The following PPFIBP2 variants were observed in gnomAD, a reference collection of about 807,000 sequenced individuals.
PPFIBP2 encodes PPFIB scaffold protein 2, also known as liprin-beta-2.
A neutral mutation model predicts 118.3 loss-of-function variants in PPFIBP2; 118 were observed. The ratio of observed to expected loss-of-function variants is 1.00; its 90% CI spans 0.86 to 1.16. PPFIBP2 has a LOEUF of 1.16. PPFIBP2 is among the 50% of genes most tolerant of loss of function. PPFIBP2 has a pLI of 0.00. For synonymous variants in PPFIBP2, 414 were observed against 397.4 expected (o/e 1.04, Z -0.50); for missense variants, 1,195 against 1,073.1 (o/e 1.11, Z -1.59).
At chr11:7,566,593 C>A (rs894976270) in intron 3 of PPFIBP2, among the ~76,000 whole-genome samples, 1 of 152,152 alleles carries the variant, frequency 6.6e-6, no homozygotes, top group Non-Finnish European at 1.5e-5. Flanking sequence ...GTCTTGAAAT[C>A]TTGGCTCAAA....
At chr11:7,610,173 C>G in intron 5 of PPFIBP2, 118 bp from the exon 6 acceptor site, 2 of 1,303,390 alleles carry the variant, frequency 1.5e-6, no homozygotes, top group East Asian at 4.7e-5. Flanking sequence ...ATGTAGCAGT[C>G]TCAATTCTGT....
chr11:7,597,761 G>A (rs1860631798), intron 5 of PPFIBP2, 88 bp downstream of exon 5: 1 of 1,104,240 alleles, frequency 9.1e-7, no homozygotes, highest in Non-Finnish European at 1.3e-6. Context: ...AGCCCTCGCT[G>A]TCTGCTTTCC....
intron 1 of PPFIBP2, among the ~76,000 whole-genome samples, chr11:7,537,917 G>C (rs1437854336): frequency 3.5e-5 from 4 of 113,376 alleles, no homozygotes; most frequent in Non-Finnish European, 7.3e-5. Context: ...TGGCATTAAG[G>C]CATGGCCTTG....
At chr11:7,594,319 C>A (rs1462921652) in intron 4 of PPFIBP2, among the ~76,000 whole-genome samples, 5 of 151,836 alleles carry the variant, frequency 3.3e-5, no homozygotes, top group African/African-American at 1.2e-4. Context: ...TGAGCTCATA[C>A]CAAATATATA....
chr11:7,581,373 T>C (rs1857232877), intron 3 of PPFIBP2, among the ~76,000 whole-genome samples: 1 of 152,250 alleles, frequency 6.6e-6, no homozygotes, highest in Admixed American at 6.5e-5. Context: ...CACTGCTTCC[T>C]GGCTTCCAGC....
At chr11:7,554,477 T>C (rs903935754) in intron 2 of PPFIBP2, among the ~76,000 whole-genome samples, 2 of 152,186 alleles carry the variant, frequency 1.3e-5, no homozygotes, top group Non-Finnish European at 2.9e-5. Flanking sequence ...TAATTAAGCT[T>C]TTAGTGCAAA....
chr11:7,597,416 C>T (rs1439590609), intron 4 of PPFIBP2, 144 bp from the exon 5 acceptor site: 4 of 1,538,230 alleles, frequency 2.6e-6, no homozygotes, highest in South Asian at 1.2e-5. Flanking sequence ...GACACTTCCT[C>T]CACCTGCCAC....
At chr11:7,599,015 C>T (rs555347822) in intron 5 of PPFIBP2, among the ~76,000 whole-genome samples, 28 of 142,388 alleles carry the variant, frequency 2.0e-4, no homozygotes, top group Admixed American at 5.8e-4. Context: ...ACATTCTTGG[C>T]GCCATTTGAT....
intron 5 of PPFIBP2, among the ~76,000 whole-genome samples, chr11:7,606,886 A>ATGTTTT (rs1763557851): frequency 1.9e-5 from 1 of 51,352 alleles, no homozygotes; most frequent in Non-Finnish European, 3.7e-5. Flanking sequence ...AACTGCATGA[A>ATGTTTT]TTTTTTTTTT....
chr11:7,529,231 A>G (rs1850475347), intron 1 of PPFIBP2, among the ~76,000 whole-genome samples: 1 of 152,248 alleles, frequency 6.6e-6, no homozygotes, highest in Non-Finnish European at 1.5e-5. Flanking sequence ...AGGCTCTTCC[A>G]GGGTCACAAA....
At position 7,629,535 on chromosome 11, in the gene PPFIBP2, G is replaced by A. The variant is rs1328634422; in HGVS notation, c.964+1G>A. On this transcript the variant is annotated splice_donor_variant, in intron 10 of 23. Coordinates refer to ENST00000299492, the MANE Select transcript of PPFIBP2 (RefSeq NM_003621.5). LOFTEE classifies it high-confidence loss of function. ...AAGGAGATTGTGATGGTCACTCAAGGTAAGAGCAAGGGCGATCCTACCGTT... is the reference window on the plus strand; with the variant it reads ...AAGGAGATTGTGATGGTCACTCAAGATAAGAGCAAGGGCGATCCTACCGTT... 1.2e-6 allele frequency: 2 copies of A among 1,613,966 alleles called. No homozygotes were observed. Among genetic ancestry groups the A allele is most frequent in the Admixed American group, 1.7e-5 (1 of 60,020 alleles).
intron 3 of PPFIBP2, chr11:7,576,476 T>C (rs1856335888): frequency 6.6e-6 from 1 of 152,398 alleles, no homozygotes; most frequent in African/African-American, 2.4e-5. Flanking sequence ...AGAGCCTGCA[T>C]GTGACCTGCC....
At chr11:7,547,360 G>A (rs538981632) in intron 1 of PPFIBP2, among the ~76,000 whole-genome samples, 6 of 152,294 alleles carry the variant, frequency 3.9e-5, no homozygotes, top group Non-Finnish European at 8.8e-5. Flanking sequence ...GAGCCATGTG[G>A]GGAGAGATGT....
intron 5 of PPFIBP2, chr11:7,605,948 G>A: frequency 6.5e-7 from 1 of 1,533,456 alleles, no homozygotes; most frequent in East Asian, 2.4e-5. Context: ...TGAAGCCAGA[G>A]TGGATACTGA....
At chr11:7,581,795 G>T (rs989880834) in intron 3 of PPFIBP2, among the ~76,000 whole-genome samples, 6 of 151,886 alleles carry the variant, frequency 4.0e-5, no homozygotes, top group Non-Finnish European at 8.8e-5. Flanking sequence ...CAATTTCCTT[G>T]ATTATATATA....
chr11:7,534,403 A>G (rs1271229666), intron 1 of PPFIBP2, among the ~76,000 whole-genome samples: 2 of 152,192 alleles, frequency 1.3e-5, no homozygotes, highest in African/African-American at 2.4e-5. Flanking sequence ...GGAAATATTC[A>G]CTTTGAGGTT....
intron 1 of PPFIBP2, among the ~76,000 whole-genome samples, chr11:7,540,687 A>T (rs1445362892): frequency 1.3e-5 from 2 of 152,080 alleles, no homozygotes; most frequent in Admixed American, 1.3e-4. Flanking sequence ...AGAATGGGGG[A>T]CCCCACAGGG....
At chr11:7,601,735 G>A (rs949732630) in intron 5 of PPFIBP2, among the ~76,000 whole-genome samples, 5 of 152,158 alleles carry the variant, frequency 3.3e-5, no homozygotes, top group African/African-American at 9.7e-5. Context: ...CGAGGTGGAC[G>A]GATAACCTGA....
Position 7,648,386 on chromosome 11 carries a change from GT to G in PPFIBP2, c.1647del (p.Ser549ArgfsTer28). ...GAATATGCTGTTTTCCTGCTTCCCAGTGACGCCAATGCCCCCTTTGCCCAGT... is the reference window on the plus strand; with the variant it reads ...GAATATGCTGTTTTCCTGCTTCCCAGGACGCCAATGCCCCCTTTGCCCAGT... ...SRTRDSKGQKSDANAPFAQWS... is the reference protein window; with the variant it reads ...SRTRDSKGQKXDANAPFAQWS... On this transcript the variant is annotated frameshift_variant and splice_region_variant, in exon 18 of 24. Transcript: ENST00000299492. LOFTEE classifies it high-confidence loss of function. 3.1e-6 allele frequency: 5 copies of G among 1,609,164 alleles called. No individual in the cohort carries two copies. The highest frequency in any genetic ancestry group is 4.3e-6 in the Non-Finnish European group (5 of 1,175,994).
Sources: allele counts gnomAD v4.1 joint callset (sites outside exome capture counted in the v4.1 genomes callset), GRCh38; gene constraint gnomAD v4.1.1; transcripts MANE v1.5; gene names NCBI Gene and HGNC (gene_info 2026-07-23, HGNC 2026-07-21).